CCDC192: variants seen among roughly 807,000 people sequenced by gnomAD.
CCDC192 encodes coiled-coil domain containing 192, also known as coiled-coil domain-containing protein 192.
chr5:127,782,320 G>A (rs1756275238), intron 3 of CCDC192, among the ~76,000 whole-genome samples: 1 of 152,068 alleles, frequency 6.6e-6, no homozygotes, highest in African/African-American at 2.4e-5. Context: ...TTAGGGTGAT[G>A]TTGGCATCAT....
intron 3 of CCDC192, among the ~76,000 whole-genome samples, chr5:127,768,982 T>G (rs112490046): frequency 6.6e-6 from 1 of 152,344 alleles, no homozygotes; most frequent in Non-Finnish European, 1.5e-5. Flanking sequence ...ACGCTTTGTT[T>G]TTAAATTAAG....
intron 6 of CCDC192, among the ~76,000 whole-genome samples, chr5:127,895,800 C>G (rs1348669927): frequency 6.6e-6 from 1 of 151,140 alleles, no homozygotes; most frequent in Non-Finnish European, 1.5e-5. Context: ...GAGATCACGC[C>G]ACTGCACTCT....
At position 127,822,227 on chromosome 5, in the gene CCDC192, C is replaced by T. The variant is rs547254673; in HGVS notation, c.411+24065C>T. Among the ~76,000 whole-genome samples, 5 of 152,288 alleles carry T rather than the reference C, an allele frequency of 3.3e-5. No homozygotes were observed. The South Asian group carries it at 8.3e-4, about 25-fold the overall frequency. ...TTCATACACTGCTGAGGCTCAGGACCATGGCTGCTTTCAGGCTGTGTCCTC... is the reference window on the plus strand; with the variant it reads ...TTCATACACTGCTGAGGCTCAGGACTATGGCTGCTTTCAGGCTGTGTCCTC... On this transcript the variant is annotated intron_variant, in intron 5 of 6. Transcript: ENST00000514853.
At chr5:127,892,715 T>C (rs898276470) in intron 6 of CCDC192, among the ~76,000 whole-genome samples, 1 of 152,210 alleles carries the variant, frequency 6.6e-6, no homozygotes, top group African/African-American at 2.4e-5. Flanking sequence ...TGAATAATTA[T>C]GAATTTAAAT....
chr5:127,917,222 T>C (rs1266471527), intron 6 of CCDC192, among the ~76,000 whole-genome samples: 2 of 152,222 alleles, frequency 1.3e-5, no homozygotes, highest in Non-Finnish European at 2.9e-5. Flanking sequence ...GTCAGGGCCT[T>C]GCTCTGATCT....
At chr5:127,838,836 T>C (rs1447644562) in intron 5 of CCDC192, among the ~76,000 whole-genome samples, 1 of 152,196 alleles carries the variant, frequency 6.6e-6, no homozygotes, top group Non-Finnish European at 1.5e-5. Flanking sequence ...CTGTGTGTAG[T>C]CTGTACTTCA....
At chr5:127,795,176 C>T (rs948977674) in intron 3 of CCDC192, among the ~76,000 whole-genome samples, 1 of 150,838 alleles carries the variant, frequency 6.6e-6, no homozygotes, top group African/African-American at 2.4e-5. Context: ...TGTAGTCCCA[C>T]TTACTCAGGA....
chr5:127,782,507 CT>C (rs1376989028), intron 3 of CCDC192, among the ~76,000 whole-genome samples: 2 of 151,630 alleles, frequency 1.3e-5, no homozygotes, highest in Non-Finnish European at 2.9e-5. Context: ...TGTTATTGGT[CT>C]GTTTAGGGTA....
intron 2 of CCDC192, among the ~76,000 whole-genome samples, chr5:127,747,985 T>A (rs1244233805): frequency 6.7e-6 from 1 of 148,184 alleles, no homozygotes; most frequent in East Asian, 2.0e-4. Context: ...TTGTTTGAGT[T>A]CATTGTAGAT....
chr5:127,786,944 C>T (rs1269113508), intron 3 of CCDC192: 3 of 399,030 alleles, frequency 7.5e-6, no homozygotes, highest in East Asian at 1.1e-4. Flanking sequence ...TGCTGTGCCA[C>T]ATGTACACCT....
chr5:127,758,790 C>T (rs1220272294), intron 3 of CCDC192, among the ~76,000 whole-genome samples: 1 of 152,118 alleles, frequency 6.6e-6, no homozygotes, highest in Admixed American at 6.5e-5. Flanking sequence ...ATAGTTTTTT[C>T]ATGTGTGCTG....
At chr5:127,778,534 T>C (rs534333690) in intron 3 of CCDC192, among the ~76,000 whole-genome samples, 1 of 152,348 alleles carries the variant, frequency 6.6e-6, no homozygotes, top group Admixed American at 6.5e-5. Flanking sequence ...GTTGAGGATT[T>C]CTGTATCTAT....
In CCDC192 at chr5:127,932,011, G is replaced by A. The variant is rs368457342; in HGVS notation, c.536-9171G>A. Among the ~76,000 whole-genome samples the A allele has an allele frequency of 4.0e-5, 6 of 151,762 alleles. No homozygotes were observed. The South Asian group carries it at 6.3e-4, about 16-fold the overall frequency. On this transcript the variant is annotated intron_variant, in intron 6 of 6. Transcript: ENST00000514853. ...CTAAAATACAAAAAAAAAATTAGCC[G>A]GGAGTGGTGGTGCGCACCTGTAGTC...
chr5:127,772,351 C>G (rs1755603744), intron 3 of CCDC192, among the ~76,000 whole-genome samples: 1 of 151,606 alleles, frequency 6.6e-6, no homozygotes, highest in Non-Finnish European at 1.5e-5. Flanking sequence ...CCCAGCTACT[C>G]TGGAGGCTGG....
intron 6 of CCDC192, among the ~76,000 whole-genome samples, chr5:127,905,148 A>C (rs1365627591): frequency 2.6e-5 from 4 of 152,154 alleles, no homozygotes; most frequent in Non-Finnish European, 5.9e-5. Context: ...TAAGCCACTG[A>C]AGTTTACAGA....
At chr5:127,745,410 A>G (rs954476983) in intron 2 of CCDC192, among the ~76,000 whole-genome samples, 2 of 152,242 alleles carry the variant, frequency 1.3e-5, no homozygotes, top group Non-Finnish European at 2.9e-5. Context: ...CTACTCTTAC[A>G]ATGTCATATA....
intron 5 of CCDC192, among the ~76,000 whole-genome samples, chr5:127,832,177 G>A (rs560531830): frequency 6.6e-6 from 1 of 152,288 alleles, no homozygotes; most frequent in East Asian, 1.9e-4. Flanking sequence ...ATTCAGGAAA[G>A]CAGAAATTAG....
At chr5:127,805,675 T>C (rs1480707396) in intron 5 of CCDC192, among the ~76,000 whole-genome samples, 1 of 152,212 alleles carries the variant, frequency 6.6e-6, no homozygotes, top group Admixed American at 6.5e-5. Context: ...TGATTATTTA[T>C]GAACAGAAGC....
At chr5:127,855,399 A>G (rs1415905174) in intron 5 of CCDC192, among the ~76,000 whole-genome samples, 2 of 152,156 alleles carry the variant, frequency 1.3e-5, no homozygotes, top group Admixed American at 1.3e-4. Flanking sequence ...CTCCATTTCT[A>G]ATTCTACTTA....
Sources: gnomAD v4.1 joint callset for allele counts (sites outside exome capture counted in the v4.1 genomes callset) on GRCh38, gnomAD v4.1.1 for gene constraint, MANE v1.5 for transcripts, NCBI Gene and HGNC (gene_info 2026-07-23, HGNC 2026-07-21) for gene names.